Variants in ZBTB45 observed in about 807,000 individuals in gnomAD.
The protein encoded by ZBTB45 is zinc finger and BTB domain containing 45, also known as zinc finger and BTB domain-containing protein 45.
A neutral mutation model predicts 28.4 loss-of-function variants in ZBTB45; 22 were observed. The observed-to-expected ratio is 0.77, with a 90% confidence interval of 0.55 to 1.10. The LOEUF is 1.10. Ranked by LOEUF, ZBTB45 falls within the 50% of genes least tolerant of loss-of-function variation. The probability of loss-of-function intolerance (pLI) is 0.00; values close to 1 mark genes in which losing one functional copy is unlikely to be tolerated. For synonymous variants in ZBTB45, 361 were observed against 332.3 expected (o/e 1.09, Z -0.94); for missense variants, 656 against 750.2 (o/e 0.87, Z 1.47).
upstream of ZBTB45, among the ~76,000 whole-genome samples, chr19:58,522,081 G>C (rs576715561): frequency 2.0e-5 from 3 of 152,090 alleles, no homozygotes; most frequent in Admixed American, 6.5e-5. Context: ...CCAGCACTTT[G>C]GGAGGCCGAG....
chr19:58,525,956 G>A (rs373686644), intron 1 of ZBTB45, among the ~76,000 whole-genome samples: 6 of 152,128 alleles, frequency 3.9e-5, no homozygotes, highest in African/African-American at 1.2e-4. Context: ...GGCTGGGCGC[G>A]GTGGCTCACG....
chr19:58,533,808 G>T (rs936829890), intron 1 of ZBTB45, among the ~76,000 whole-genome samples: 1 of 152,134 alleles, frequency 6.6e-6, no homozygotes, highest in African/African-American at 2.4e-5. Context: ...AGCCACATAC[G>T]GTATTGCCCA....
At position 58,516,334 on chromosome 19, in the gene ZBTB45, C is replaced by T; in HGVS notation, c.1279+61G>A. On this transcript the variant is annotated intron_variant, in intron 2 of 2. Transcript: ENST00000594051. The surrounding 1 kb of genome is among the most constrained non-coding windows in gnomAD (Gnocchi z 6.2). ...AGTGCCCTGTAACTAGTGCTCAATT[C>T]CCCCTCAGGTTTAACTCTCCGATGA... is the stretch of plus-strand genomic sequence containing the variant. 1.3e-6 allele frequency: 2 copies of T among 1,597,348 alleles called. No homozygotes were observed. The highest frequency in any genetic ancestry group is 1.3e-5 in the African/African-American group (1 of 74,648).
Position 58,514,001 on chromosome 19 carries a change from G to A in ZBTB45, c.*53C>T, listed in dbSNP as rs545809578. The A allele has an allele frequency of 1.3e-5, 18 of 1,353,256 alleles. No homozygotes were observed. The Admixed American group carries it at 4.7e-4, about 35-fold the overall frequency. The allele number at this position is 1,353,256 out of a possible 1,614,324, so 83.8% of individuals were successfully genotyped here. A position where few individuals can be genotyped will look rare whatever the true frequency, so the allele number is the denominator to read the frequency against. Reference sequence around the variant, plus strand: ...CACGGGTCCCGCAGCGGGCGTGGCCGACTGTGCGGGAGGCCCCGGATCCAC... The same window carrying A: ...CACGGGTCCCGCAGCGGGCGTGGCCAACTGTGCGGGAGGCCCCGGATCCAC... On this transcript the variant is annotated 3_prime_UTR_variant, in exon 3 of 3. Transcript: ENST00000594051.
At position 58,517,789 on chromosome 19, in the gene ZBTB45, G is replaced by A; in HGVS notation, c.1-116C>T. 3 of 956,672 alleles carry A rather than the reference G, an allele frequency of 3.1e-6. No homozygotes were observed. The Admixed American group carries it at 7.3e-5, about 23-fold the overall frequency. The allele number at this position is 956,672 out of a possible 1,614,324, so 59.3% of individuals were successfully genotyped here. ...AGGGCTCGAGTGCACCACACTCCAA[G>A]GCGCGCTAACCCATCCCTCCCCAGC... is the stretch of plus-strand genomic sequence containing the variant. On this transcript the variant is annotated intron_variant, in intron 1 of 2. Coordinates refer to ENST00000594051, the MANE Select transcript of ZBTB45 (RefSeq NM_001316979.2).
At chr19:58,531,208 G>A (rs764450143) in intron 1 of ZBTB45, among the ~76,000 whole-genome samples, 33 of 152,106 alleles carry the variant, frequency 2.2e-4, no homozygotes, top group Non-Finnish European at 4.3e-4. Flanking sequence ...ATTTCATTGC[G>A]GTTTGATTTG....
At chr19:58,524,982 A>T (rs2053600320) in intron 1 of ZBTB45, among the ~76,000 whole-genome samples, 1 of 152,168 alleles carries the variant, frequency 6.6e-6, no homozygotes, top group Non-Finnish European at 1.5e-5. Context: ...CAGTGACCAC[A>T]GATGTGAAAG....
intron 1 of ZBTB45, among the ~76,000 whole-genome samples, chr19:58,532,813 T>C (rs917750824): frequency 4.2e-4 from 62 of 147,336 alleles, no homozygotes; most frequent in Middle Eastern, 7.9e-3. Context: ...TCCCAAAGTG[T>C]TGGGATTACA....
rs775460133 is a variant in ZBTB45, at chr19:58,517,119, T to G, written c.555A>C (p.Pro185=). 1 of 1,612,712 alleles carries G rather than the reference T, an allele frequency of 6.2e-7. No individual in the cohort carries two copies. Among genetic ancestry groups the G allele is most frequent in the South Asian group, 1.1e-5 (1 of 91,074 alleles). ...QPARLQLPAP[P]TPAKAEGPDA... is the part of the protein sequence containing the mutation. Reference sequence around the variant, plus strand: ...CAGGCCCCTCAGCCTTGGCAGGTGTTGGGGGCGCTGGCAGCTGCAAACGCG... The same window carrying G: ...CAGGCCCCTCAGCCTTGGCAGGTGTGGGGGGCGCTGGCAGCTGCAAACGCG... The change falls in exon 2 of 3, where the codon CCA becomes CCC. Residue 185 remains proline, a synonymous_variant. Transcript: ENST00000594051.
In ZBTB45 at chr19:58,514,018, C is replaced by G. The variant is rs1299016751; in HGVS notation, c.*36G>C. On this transcript the variant is annotated 3_prime_UTR_variant, in exon 3 of 3. Transcript: ENST00000594051. ...GCGTGGCCGACTGTGCGGGAGGCCCCGGATCCACCGTGGGCGAGGCCAGGC... is the reference window on the plus strand; with the variant it reads ...GCGTGGCCGACTGTGCGGGAGGCCCGGGATCCACCGTGGGCGAGGCCAGGC... 5 of 1,376,210 alleles carry G rather than the reference C, an allele frequency of 3.6e-6. No individual in the cohort carries two copies. The highest frequency in any genetic ancestry group is 4.7e-6 in the Non-Finnish European group (5 of 1,071,314). 85.2% of individuals were successfully genotyped at this position (1,376,210 alleles called of 1,614,324 possible).
At position 58,514,227 on chromosome 19, in the gene ZBTB45, C is replaced by T; in HGVS notation, c.1363G>A (p.Gly455Ser). Residue 455 changes from glycine to serine, a missense_variant, in exon 3 of 3, where the codon GGC becomes AGC. Gly to Ser is a moderately conservative substitution (Grantham distance 56, BLOSUM62 0). This residue lies in a region of ZBTB45 where 103 missense variants were observed against 153.5 expected (regional missense o/e 0.67). Transcript: ENST00000594051. ...YLLKHMVTHT[G>S]VRAFQCAVCA... ...ACGGCGCACTGGAAGGCGCGCACGC[C>T]GGTGTGCGTGACCATGTGTTTGAGC... 2 of 1,612,552 alleles carry T rather than the reference C, an allele frequency of 1.2e-6. No homozygotes were observed. Among genetic ancestry groups the T allele is most frequent in the Non-Finnish European group, 1.7e-6 (2 of 1,179,642 alleles).
At position 58,517,669 on chromosome 19, in the gene ZBTB45, G is replaced by A. The variant is rs746187107; in HGVS notation, c.5C>T (p.Ala2Val). The change falls in exon 2 of 3, where the codon GCG (alanine) becomes GTG (valine). Residue 2 changes from alanine (A) to valine (V), a missense_variant. This residue lies in a region of ZBTB45 where 105 missense variants were observed against 152.4 expected (regional missense o/e 0.69). Coordinates refer to ENST00000594051, the MANE Select transcript of ZBTB45 (RefSeq NM_001316979.2). ...TATGTGATGCACAGCCTCTGCAGCCGCCATCTGCACAGAACAAGAGGAGGG... is the reference window on the plus strand; with the variant it reads ...TATGTGATGCACAGCCTCTGCAGCCACCATCTGCACAGAACAAGAGGAGGG... The part of the protein sequence containing the change: M[A>V]AAEAVHHIHL... 38 of 1,612,338 alleles carry A rather than the reference G, an allele frequency of 2.4e-5. No homozygotes were observed. The highest frequency in any genetic ancestry group is 2.0e-4 in the Admixed American group (12 of 59,920).
In ZBTB45 at chr19:58,517,494, G is replaced by A. The variant is rs760968278; in HGVS notation, c.180C>T (p.Asp60=). 2 of 1,613,226 alleles carry A rather than the reference G, an allele frequency of 1.2e-6. No homozygotes were observed. Among genetic ancestry groups the A allele is most frequent in the Non-Finnish European group, 1.7e-6 (2 of 1,180,002 alleles). The change falls in exon 2 of 3, where the codon GAC becomes GAT. Residue 60 remains aspartate, a synonymous_variant. Coordinates refer to ENST00000594051, the MANE Select transcript of ZBTB45 (RefSeq NM_001316979.2). The part of the protein sequence containing the change: ...VLAAGSPFFQ[D]KLLLGHSEIR... Reference sequence around the variant, plus strand: ...TCTCAGAGTGGCCGAGCAGCAGCTTGTCTTGGAAGAAGGGTGAGCCGGCCG... The same window carrying A: ...TCTCAGAGTGGCCGAGCAGCAGCTTATCTTGGAAGAAGGGTGAGCCGGCCG...
At chr19:58,534,899 G>C (rs906152944) in intron 1 of ZBTB45, among the ~76,000 whole-genome samples, 4 of 149,014 alleles carry the variant, frequency 2.7e-5, no homozygotes, top group Non-Finnish European at 5.9e-5. Flanking sequence ...CTGTCGCCCA[G>C]GCTGGAGTGC....
intron 1 of ZBTB45, among the ~76,000 whole-genome samples, chr19:58,538,471 T>A (rs1315652938): frequency 1.3e-5 from 2 of 152,010 alleles, no homozygotes; most frequent in African/African-American, 2.4e-5. Context: ...AGGCGGTGAC[T>A]ATGCCGCGGA....
chr19:58,522,797 T>C (rs1464374378), upstream of ZBTB45, among the ~76,000 whole-genome samples: 1 of 152,044 alleles, frequency 6.6e-6, no homozygotes, highest in Non-Finnish European at 1.5e-5. Context: ...ATGAGGCCTC[T>C]GAGGAGGGAG....
At chr19:58,531,435 C>A (rs2122593990) in intron 1 of ZBTB45, among the ~76,000 whole-genome samples, 1 of 152,316 alleles carries the variant, frequency 6.6e-6, no homozygotes, top group Non-Finnish European at 1.5e-5. Flanking sequence ...TCCCCCTACA[C>A]AGCCATGTTG....
intron 1 of ZBTB45, among the ~76,000 whole-genome samples, chr19:58,526,357 C>T (rs1423724839): frequency 6.6e-6 from 1 of 151,558 alleles, no homozygotes; most frequent in Non-Finnish European, 1.5e-5. Flanking sequence ...TTACAGGCGC[C>T]TGCCACCATG....
rs989860590 is a variant in ZBTB45 at position 58,513,800 on chromosome 19, A to G, written c.*254T>C. ...CGCCTGAGCGCCCGGTTTACGCAGG[A>G]AATAGTCCAGTTCTCAGAAGTGGTC... is the stretch of plus-strand genomic sequence containing the variant. On this transcript the variant is annotated 3_prime_UTR_variant, in exon 3 of 3. Coordinates refer to ENST00000594051, the MANE Select transcript of ZBTB45 (RefSeq NM_001316979.2). 1 of 412,120 alleles carries G rather than the reference A, an allele frequency of 2.4e-6. No individual in the cohort carries two copies. The highest frequency in any genetic ancestry group is 4.1e-6 in the Non-Finnish European group (1 of 241,172). The allele number at this position is 412,120 out of a possible 1,614,324, so 25.5% of individuals were successfully genotyped here. A position where few individuals can be genotyped will look rare whatever the true frequency, so the allele number is the denominator to read the frequency against.
Sources: gnomAD v4.1 joint callset for allele counts (sites outside exome capture counted in the v4.1 genomes callset) on GRCh38, gnomAD v4.1.1 for gene constraint, gnomAD v4.1.1 regional missense constraint, Gnocchi (gnomAD v3.1) non-coding constraint, MANE v1.5 for transcripts, NCBI Gene and HGNC (gene_info 2026-07-23, HGNC 2026-07-21) for gene names.